Variants in SHTN1 observed in about 807,000 individuals in gnomAD.
The protein encoded by SHTN1 is shootin-1.
In SHTN1, 42 loss-of-function variants were observed where a neutral mutation model predicts 83.1. The ratio of observed to expected loss-of-function variants is 0.51; its 90% CI spans 0.39 to 0.65. The LOEUF (loss-of-function observed/expected upper bound fraction) is 0.65, where lower values mean the gene tolerates loss of function less well. Among genes scored for constraint, SHTN1 ranks in the 30% least tolerant of loss-of-function variants. The pLI, the probability that SHTN1 is intolerant of heterozygous loss-of-function variation, is 0.00. For missense variants in SHTN1, 622 were observed against 737.8 expected (o/e 0.84, Z 1.82); for synonymous variants, 224 against 247.7 (o/e 0.90, Z 0.90).
chr10:117,004,700 G>T (rs1209964539), intron 1 of SHTN1, among the ~76,000 whole-genome samples: 1 of 152,112 alleles, frequency 6.6e-6, no homozygotes, highest in Non-Finnish European at 1.5e-5. Context: ...CGGCAAGGAA[G>T]GTGGCACTGT....
Position 117,100,255 on chromosome 10 carries a change from A to G in SHTN1, c.-189+26052T>C, listed in dbSNP as rs908745427. Among the ~76,000 whole-genome samples the G allele has an allele frequency of 3.3e-5, 5 of 152,286 alleles. No individual in the cohort carries two copies. In the South Asian group the frequency reaches 1.0e-3, roughly 32 times the overall value. ...GCACACATCAGATCAGGGCCTGGGA[A>G]ACAATCATCCATTTTTGTAAGTAAA... On this transcript the variant is annotated intron_variant, in intron 1 of 17. Transcript: ENST00000392901.
chr10:117,000,166 G>C (rs766861778), intron 1 of SHTN1, among the ~76,000 whole-genome samples: 2 of 152,048 alleles, frequency 1.3e-5, no homozygotes, highest in Non-Finnish European at 1.5e-5. Flanking sequence ...TTGAAAACAA[G>C]GCAACATTTA....
intron 2 of SHTN1, among the ~76,000 whole-genome samples, chr10:116,977,799 C>A (rs1850863038): frequency 1.3e-5 from 2 of 152,006 alleles, no homozygotes; most frequent in South Asian, 4.2e-4. Context: ...CTCAACCTCG[C>A]AAGTAGCTGG....
At chr10:117,023,161 A>C (rs1335627281) in intron 2 of SHTN1, among the ~76,000 whole-genome samples, 1 of 152,232 alleles carries the variant, frequency 6.6e-6, no homozygotes, top group Admixed American at 6.5e-5. Flanking sequence ...TCTTTTGGTC[A>C]AGTTTCTTTA....
At chr10:116,910,786 C>T (rs1172678946) in intron 14 of SHTN1, among the ~76,000 whole-genome samples, 1 of 152,190 alleles carries the variant, frequency 6.6e-6, no homozygotes, top group Non-Finnish European at 1.5e-5. Context: ...ATAATCACCA[C>T]ATGCTTTTTC....
intron 1 of SHTN1, among the ~76,000 whole-genome samples, chr10:117,114,970 T>A (rs1853824629): frequency 6.6e-6 from 1 of 152,136 alleles, no homozygotes; most frequent in Non-Finnish European, 1.5e-5. Context: ...CTGTAACAAA[T>A]CTCTTCCCAT....
chr10:117,114,823 G>T (rs1853821247), intron 1 of SHTN1, among the ~76,000 whole-genome samples: 1 of 152,156 alleles, frequency 6.6e-6, no homozygotes, highest in African/African-American at 2.4e-5. Context: ...AGTTTTAAAG[G>T]AGATCTGGTT....
At chr10:116,921,891 TG>T (rs1310029906) in intron 11 of SHTN1, among the ~76,000 whole-genome samples, 1 of 152,132 alleles carries the variant, frequency 6.6e-6, no homozygotes, top group Non-Finnish European at 1.5e-5. Flanking sequence ...CAGTAAAAAG[TG>T]TATGTTATCA....
At chr10:117,007,390 A>C (rs980302558), upstream of SHTN1, among the ~76,000 whole-genome samples, 12 of 151,656 alleles carry the variant, frequency 7.9e-5, no homozygotes, top group African/African-American at 2.9e-4. Context: ...TCTGGAGTTT[A>C]AGAATGAGTT....
At chr10:116,997,068 T>C (rs1409402023) in intron 1 of SHTN1, among the ~76,000 whole-genome samples, 1 of 152,200 alleles carries the variant, frequency 6.6e-6, no homozygotes, top group Non-Finnish European at 1.5e-5. Context: ...GACACAGAAT[T>C]ACAAAGACAA....
intron 1 of SHTN1, among the ~76,000 whole-genome samples, chr10:116,984,470 A>G (rs147682513): frequency 1.7e-4 from 26 of 152,274 alleles, no homozygotes; most frequent in African/African-American, 4.8e-4. Context: ...CAACTTTTAG[A>G]AAGTGAGCTC....
chr10:117,100,883 G>A (rs570461251), intron 1 of SHTN1, among the ~76,000 whole-genome samples: 5 of 152,304 alleles, frequency 3.3e-5, no homozygotes, highest in Middle Eastern at 3.4e-3. Flanking sequence ...GAAATGGCCC[G>A]TGTAGCTGAG....
intron 1 of SHTN1, among the ~76,000 whole-genome samples, chr10:117,083,973 C>T (rs936835764): frequency 5.9e-5 from 9 of 151,852 alleles, no homozygotes; most frequent in Non-Finnish European, 1.3e-4. Flanking sequence ...TTTTCAACTT[C>T]TTTGCCTTTG....
At chr10:116,907,592 A>AGTG (rs1185559612) in intron 14 of SHTN1, among the ~76,000 whole-genome samples, 53 of 152,326 alleles carry the variant, frequency 3.5e-4, no homozygotes, top group African/African-American at 1.3e-3. Flanking sequence ...TGTACAGAAC[A>AGTG]CTGGGTGACG....
At chr10:117,072,014 T>C (rs1210335184) in intron 1 of SHTN1, among the ~76,000 whole-genome samples, 1 of 152,232 alleles carries the variant, frequency 6.6e-6, no homozygotes, top group Non-Finnish European at 1.5e-5. Context: ...TAAGACTTTG[T>C]TCCTGACAGG....
At chr10:117,016,040 T>A (rs1337028965) in intron 2 of SHTN1, among the ~76,000 whole-genome samples, 1 of 152,208 alleles carries the variant, frequency 6.6e-6, no homozygotes, top group Non-Finnish European at 1.5e-5. Flanking sequence ...AACCACACAT[T>A]TAGATGTGTT....
At chr10:116,961,119 T>TA (rs1186344838) in intron 3 of SHTN1, among the ~76,000 whole-genome samples, 319 of 143,178 alleles carry the variant, frequency 2.2e-3, no homozygotes, top group Non-Finnish European at 2.9e-3. Context: ...TTGTTTGGCT[T>TA]AAAAAAAAAA....
At chr10:116,987,096 T>C (rs181482298) in intron 1 of SHTN1, among the ~76,000 whole-genome samples, 10 of 152,214 alleles carry the variant, frequency 6.6e-5, no homozygotes, top group East Asian at 1.9e-4. Context: ...CTCTAAACAA[T>C]GTCTGTCCTC....
chr10:116,916,591 A>T (rs1307106542), intron 12 of SHTN1, among the ~76,000 whole-genome samples: 3 of 152,246 alleles, frequency 2.0e-5, no homozygotes, highest in South Asian at 2.1e-4. Flanking sequence ...AATGCCAGGC[A>T]ATCACTACTG....
Sources: allele counts gnomAD v4.1 joint callset (sites outside exome capture counted in the v4.1 genomes callset), GRCh38; gene constraint gnomAD v4.1.1; transcripts MANE v1.5; gene names NCBI Gene and HGNC (gene_info 2026-07-23, HGNC 2026-07-21).